Variants in SLC35F1 observed in about 807,000 individuals in gnomAD.
The protein encoded by SLC35F1 is chromosome 6 open reading frame 169.
Under a neutral mutation model 48.7 loss-of-function variants are expected in SLC35F1, and 14 were observed. The observed-to-expected ratio is 0.29, with a 90% CI of 0.19 to 0.45. The LOEUF is 0.45. SLC35F1 is among the 20% of genes least tolerant of loss of function. SLC35F1 has a pLI of 1.00. For missense variants in SLC35F1, 404 were observed against 500.0 expected (o/e 0.81, Z 1.83); for synonymous variants, 190 against 202.2 (o/e 0.94, Z 0.51).
chr6:118,004,364 G>A (rs1049846272), intron 1 of SLC35F1, among the ~76,000 whole-genome samples: 3 of 152,094 alleles, frequency 2.0e-5, no homozygotes, highest in Non-Finnish European at 4.4e-5. Context: ...ATCACTGAGA[G>A]TTTTAGTGAT....
intron 2 of SLC35F1, among the ~76,000 whole-genome samples, chr6:118,188,939 A>G (rs932667041): frequency 6.6e-6 from 1 of 152,082 alleles, no homozygotes; most frequent in Non-Finnish European, 1.5e-5. Context: ...TTTGAGACAG[A>G]GTCTTACTCT....
At position 118,221,865 on chromosome 6, in the gene SLC35F1, AATGAC is replaced by A. The variant is rs371225143; in HGVS notation, c.350-13637_350-13633del. On this transcript the variant is annotated intron_variant, in intron 2 of 7. Coordinates refer to ENST00000360388, the MANE Select transcript of SLC35F1 (RefSeq NM_001029858.4). ...ATGTGTGTTTTTAAAAGAACTTAAA[AATGAC>A]ATGACAACAATGCCATGATCACATG... Among the ~76,000 whole-genome samples the A allele has an allele frequency of 1.3e-3, 191 of 152,322 alleles. 5 individuals are homozygous for A. In the South Asian group the frequency reaches 0.023, roughly 18 times the overall value.
At chr6:118,176,747 G>A (rs142782312) in intron 2 of SLC35F1, among the ~76,000 whole-genome samples, 1 of 152,100 alleles carries the variant, frequency 6.6e-6, no homozygotes, top group Non-Finnish European at 1.5e-5. Context: ...CTTTTGTTTT[G>A]TTTTGAGCTT....
chr6:118,101,641 C>A (rs990230463), intron 1 of SLC35F1, among the ~76,000 whole-genome samples: 1 of 152,112 alleles, frequency 6.6e-6, no homozygotes, highest in East Asian at 1.9e-4. Flanking sequence ...AAGAAGCAAT[C>A]TTCCATGAAA....
chr6:118,137,816 GA>G (rs1773819455), intron 1 of SLC35F1, among the ~76,000 whole-genome samples: 1 of 152,126 alleles, frequency 6.6e-6, no homozygotes, highest in Non-Finnish European at 1.5e-5. Context: ...ATCATTTATA[GA>G]ACCTACCATA....
chr6:118,245,584 C>G (rs1298494288), intron 3 of SLC35F1, among the ~76,000 whole-genome samples: 1 of 152,178 alleles, frequency 6.6e-6, no homozygotes, highest in Non-Finnish European at 1.5e-5. Context: ...TTGATTCTCA[C>G]TGATAAAGTG....
At chr6:118,081,150 G>T (rs562292271) in intron 1 of SLC35F1, among the ~76,000 whole-genome samples, 1 of 151,978 alleles carries the variant, frequency 6.6e-6, no homozygotes, top group Non-Finnish European at 1.5e-5. Flanking sequence ...TTGATCCAGG[G>T]TTGTTCATTG....
Position 118,208,877 on chromosome 6 carries a change from C to A in SLC35F1, c.350-26632C>A, listed in dbSNP as rs1774969492. On this transcript the variant is annotated intron_variant, in intron 2 of 7. Coordinates refer to ENST00000360388, the MANE Select transcript of SLC35F1 (RefSeq NM_001029858.4). ...TGACCTTCTCCTGCCCTTCTGTCTT[C>A]CACCCCTGTTTTTCCCCTAAGCAAG... Among the ~76,000 whole-genome samples the A allele has an allele frequency of 2.6e-5, 4 of 152,282 alleles. 1 individual carries two copies. In the South Asian group the frequency reaches 8.3e-4, roughly 32 times the overall value.
At chr6:118,206,782 A>G (rs995811042) in intron 2 of SLC35F1, among the ~76,000 whole-genome samples, 3 of 152,192 alleles carry the variant, frequency 2.0e-5, no homozygotes, top group Non-Finnish European at 2.9e-5. Flanking sequence ...CAGGGAACCA[A>G]GAGACAAATT....
intron 1 of SLC35F1, among the ~76,000 whole-genome samples, chr6:118,149,195 C>T (rs1774019261): frequency 6.6e-6 from 1 of 152,076 alleles, no homozygotes; most frequent in Non-Finnish European, 1.5e-5. Flanking sequence ...CCCTTGGGAG[C>T]AGGGAGTGGC....
chr6:118,209,547 G>A (rs1413556212), intron 2 of SLC35F1, among the ~76,000 whole-genome samples: 2 of 152,136 alleles, frequency 1.3e-5, no homozygotes, highest in African/African-American at 2.4e-5. Context: ...ACAAGTGGAT[G>A]TAAGGAAACA....
intron 1 of SLC35F1, among the ~76,000 whole-genome samples, chr6:118,154,171 C>A (rs1016760760): frequency 1.3e-5 from 2 of 152,092 alleles, no homozygotes; most frequent in Admixed American, 1.3e-4. Context: ...CAGGCTCTTT[C>A]GGAGAGATTT....
At chr6:118,137,902 A>G (rs1477064078) in intron 1 of SLC35F1, among the ~76,000 whole-genome samples, 2 of 152,150 alleles carry the variant, frequency 1.3e-5, no homozygotes, top group Non-Finnish European at 2.9e-5. Context: ...TTTACCCCTA[A>G]CATAATCCCT....
At chr6:118,125,830 C>T (rs1037004010) in intron 1 of SLC35F1, among the ~76,000 whole-genome samples, 6 of 152,206 alleles carry the variant, frequency 3.9e-5, no homozygotes, top group African/African-American at 1.2e-4. Context: ...GATACCATTC[C>T]ATCCACTCTC....
At chr6:118,015,295 T>A (rs1777305727) in intron 1 of SLC35F1, among the ~76,000 whole-genome samples, 1 of 152,148 alleles carries the variant, frequency 6.6e-6, no homozygotes, top group Non-Finnish European at 1.5e-5. Flanking sequence ...GAGATTGTTT[T>A]TTAACTTTTA....
chr6:118,069,940 T>C (rs1168059354), intron 1 of SLC35F1, among the ~76,000 whole-genome samples: 1 of 151,036 alleles, frequency 6.6e-6, no homozygotes, highest in Non-Finnish European at 1.5e-5. Context: ...ATCAAGACCA[T>C]CCTGGCCAAC....
intron 1 of SLC35F1, among the ~76,000 whole-genome samples, chr6:118,088,007 T>G (rs1773016332): frequency 6.6e-6 from 1 of 152,170 alleles, no homozygotes. Flanking sequence ...CAATAAACAC[T>G]TAAATTGCAT....
In SLC35F1 at chr6:118,112,082, C is replaced by CTTTCTTTTCTTTTCTTTTCTTTTCT. The variant is rs202065600; in HGVS notation, c.174-42324_174-42300dup. On this transcript the variant is annotated intron_variant, in intron 1 of 7. Coordinates refer to ENST00000360388, the MANE Select transcript of SLC35F1 (RefSeq NM_001029858.4). ...TTTCTTTCTTTCTTTTTCTTTATTT[C>CTTTCTTTTCTTTTCTTTTCTTTTCT]TTTCTTTTCTTTTCTTTTCTTTTCT... Among the ~76,000 whole-genome samples the CTTTCTTTTCTTTTCTTTTCTTTTCT allele has an allele frequency of 3.2e-4, 42 of 131,802 alleles. 2 individuals are homozygous for CTTTCTTTTCTTTTCTTTTCTTTTCT. Among genetic ancestry groups the CTTTCTTTTCTTTTCTTTTCTTTTCT allele is most frequent in the African/African-American group, 1.1e-3 (40 of 34,992 alleles). 86.5% of individuals were successfully genotyped at this position (131,802 alleles called of 152,430 possible). A position where few individuals can be genotyped will look rare whatever the true frequency, so the allele number is the denominator to read the frequency against.
chr6:118,109,726 G>A (rs1273024797), intron 1 of SLC35F1, among the ~76,000 whole-genome samples: 1 of 151,950 alleles, frequency 6.6e-6, no homozygotes, highest in Non-Finnish European at 1.5e-5. Context: ...CTCACTGTCT[G>A]GCAGGACATC....
Sources: allele counts gnomAD v4.1 joint callset (sites outside exome capture counted in the v4.1 genomes callset), GRCh38; gene constraint gnomAD v4.1.1; transcripts MANE v1.5; gene names NCBI Gene and HGNC (gene_info 2026-07-23, HGNC 2026-07-21).